The following BICC1 variants were observed in gnomAD, a reference collection of about 807,000 sequenced individuals.
BICC1 encodes BicC family RNA binding protein 1.
A neutral mutation model predicts 111.0 loss-of-function variants in BICC1; 43 were observed. The observed-to-expected ratio is 0.39, with a 90% confidence interval of 0.30 to 0.50. The LOEUF is 0.50. Ranked by LOEUF, BICC1 falls within the 20% of genes least tolerant of loss-of-function variation. The probability of loss-of-function intolerance (pLI) is 0.88; values close to 1 mark genes in which losing one functional copy is unlikely to be tolerated. For missense variants in BICC1, 1,091 were observed against 1,203.2 expected, an observed-to-expected ratio of 0.91 and a Z score of 1.38; for synonymous variants, 467 against 434.4, an observed-to-expected ratio of 1.07 and a Z score of -0.93.
chr10:58,645,327 A>C (rs566891676), intron 2 of BICC1, among the ~76,000 whole-genome samples: 1 of 134,004 alleles, frequency 7.5e-6, no homozygotes, highest in South Asian at 2.4e-4. Context: ...GAGAATGGTG[A>C]ACCCGGGAGG....
intron 2 of BICC1, among the ~76,000 whole-genome samples, chr10:58,626,023 T>C (rs1845980178): frequency 6.6e-6 from 1 of 152,226 alleles, no homozygotes; most frequent in Admixed American, 6.5e-5. Flanking sequence ...ACAAATCAAA[T>C]TTAATTTAAA....
At chr10:58,764,629 CTTTTTT>C (rs11366847) in intron 3 of BICC1, among the ~76,000 whole-genome samples, 1 of 117,584 alleles carries the variant, frequency 8.5e-6, no homozygotes. Flanking sequence ...TAATTTCCTT[CTTTTTT>C]TTTTTTTTTT....
intron 3 of BICC1, among the ~76,000 whole-genome samples, chr10:58,766,959 G>C (rs904682845): frequency 5.3e-5 from 8 of 151,588 alleles, no homozygotes; most frequent in African/African-American, 1.9e-4. Flanking sequence ...GGATGGGGGT[G>C]GCGGAAATCA....
At chr10:58,530,054 A>G (rs1159609175) in intron 1 of BICC1, among the ~76,000 whole-genome samples, 1 of 151,826 alleles carries the variant, frequency 6.6e-6, no homozygotes, top group Non-Finnish European at 1.5e-5. Flanking sequence ...AGTGCATATT[A>G]TGGGACTGCA....
chr10:58,685,176 G>A (rs1219868905), intron 2 of BICC1, among the ~76,000 whole-genome samples: 1 of 152,054 alleles, frequency 6.6e-6, no homozygotes. Flanking sequence ...GTAGTTGAGG[G>A]GTTTTGAGTG....
At chr10:58,518,652 TTTG>T (rs1043592433) in intron 1 of BICC1, among the ~76,000 whole-genome samples, 8 of 151,742 alleles carry the variant, frequency 5.3e-5, no homozygotes, top group Admixed American at 3.9e-4. Flanking sequence ...ATTAGAAAAG[TTTG>T]TTATGACAAT....
At chr10:58,769,234 CAT>C (rs1842543048) in intron 3 of BICC1, among the ~76,000 whole-genome samples, 1 of 151,322 alleles carries the variant, frequency 6.6e-6, no homozygotes, top group Non-Finnish European at 1.5e-5. Context: ...GACTATAGCT[CAT>C]AATATACCCT....
chr10:58,732,441 A>G lies in BICC1; in HGVS notation c.307+30298A>G, dbSNP rs895846442. Reference sequence around the variant, plus strand: ...TATATATATATATATATATATATATACTGGTCAGTGGAGCAATCAGAACAC... The same window carrying G: ...TATATATATATATATATATATATATGCTGGTCAGTGGAGCAATCAGAACAC... On this transcript the variant is annotated intron_variant, in intron 3 of 20. Transcript: ENST00000373886. 3.0e-4 allele frequency among the ~76,000 whole-genome samples: 35 copies of G among 115,176 alleles called. 1 individual carries two copies. Among genetic ancestry groups the G allele is most frequent in the African/African-American group, 1.1e-3 (28 of 26,622 alleles). 75.6% of individuals were successfully genotyped at this position (115,176 alleles called of 152,430 possible).
intron 3 of BICC1, among the ~76,000 whole-genome samples, chr10:58,709,664 G>T (rs1840511791): frequency 1.3e-5 from 2 of 152,206 alleles, no homozygotes; most frequent in Admixed American, 6.5e-5. Flanking sequence ...AAAAGATTTA[G>T]AATTATTGCC....
chr10:58,791,438 T>C (rs1287457862), intron 8 of BICC1, among the ~76,000 whole-genome samples: 1 of 152,172 alleles, frequency 6.6e-6, no homozygotes, highest in Non-Finnish European at 1.5e-5. Context: ...AGCACTATTC[T>C]TATAAAAATC....
At chr10:58,684,099 C>T (rs1032084817) in intron 2 of BICC1, among the ~76,000 whole-genome samples, 14 of 152,192 alleles carry the variant, frequency 9.2e-5, no homozygotes, top group African/African-American at 2.9e-4. Flanking sequence ...TGTTGAATTT[C>T]GTCGAAGGCC....
intron 1 of BICC1, among the ~76,000 whole-genome samples, chr10:58,610,345 A>G (rs1845375330): frequency 6.6e-6 from 1 of 152,160 alleles, no homozygotes; most frequent in African/African-American, 2.4e-5. Context: ...TTGGCAGGAA[A>G]AAGATTTTAC....
chr10:58,775,147 A>T (rs951479213), intron 3 of BICC1, among the ~76,000 whole-genome samples: 2 of 152,040 alleles, frequency 1.3e-5, no homozygotes, highest in Non-Finnish European at 2.9e-5. Context: ...CCAAGCTGGG[A>T]GGATCACTTA....
intron 2 of BICC1, among the ~76,000 whole-genome samples, chr10:58,635,488 C>T (rs1442457492): frequency 6.6e-6 from 1 of 152,178 alleles, no homozygotes; most frequent in African/African-American, 2.4e-5. Context: ...AGCTATACAA[C>T]AGAGGCTCTC....
chr10:58,826,688 A>C (rs12260242), intron 20 of BICC1, among the ~76,000 whole-genome samples: 1 of 152,320 alleles, frequency 6.6e-6, no homozygotes, highest in East Asian at 1.9e-4. Context: ...GAACCCGGGA[A>C]GCGGAGCTTG....
chr10:58,607,193 G>A (rs1055999094), intron 1 of BICC1, among the ~76,000 whole-genome samples: 5 of 151,976 alleles, frequency 3.3e-5, no homozygotes, highest in South Asian at 2.1e-4. Context: ...GTGCATGCCT[G>A]TAATCCCAGC....
intron 1 of BICC1, among the ~76,000 whole-genome samples, chr10:58,533,573 G>A (rs1443727738): frequency 2.6e-5 from 4 of 151,652 alleles, no homozygotes; most frequent in Non-Finnish European, 5.9e-5. Flanking sequence ...TGACAATCAA[G>A]AATAGTATAT....
chr10:58,735,113 A>T (rs1235490717), intron 3 of BICC1, among the ~76,000 whole-genome samples: 1 of 152,204 alleles, frequency 6.6e-6, no homozygotes, highest in African/African-American at 2.4e-5. Context: ...TTCCCTTTTT[A>T]TACTACAAAA....
chr10:58,742,615 T>G (rs755152209), intron 3 of BICC1, among the ~76,000 whole-genome samples: 58 of 151,822 alleles, frequency 3.8e-4, no homozygotes, highest in Non-Finnish European at 7.9e-4. Context: ...TTTTTGTATT[T>G]TTAGTAGAGA....
Sources: gnomAD v4.1 joint callset for allele counts (sites outside exome capture counted in the v4.1 genomes callset) on GRCh38, gnomAD v4.1.1 for gene constraint, MANE v1.5 for transcripts, NCBI Gene and HGNC (gene_info 2026-07-23, HGNC 2026-07-21) for gene names.